The following PLIN1 variants were observed in gnomAD, a reference collection of about 807,000 sequenced individuals.
PLIN1 encodes the protein perilipin 1, also known as perilipin-1.
A neutral mutation model predicts 45.8 loss-of-function variants in PLIN1; 37 were observed. The ratio of observed to expected loss-of-function variants is 0.81; its 90% confidence interval spans 0.62 to 1.06. The LOEUF is 1.06. Ranked by LOEUF, PLIN1 falls within the 50% of genes least tolerant of loss-of-function variation. PLIN1 has a pLI of 0.00. For missense variants in PLIN1, 776 were observed against 716.5 expected (o/e 1.08, Z -0.95); for synonymous variants, 340 against 309.2 (o/e 1.10, Z -1.05).
In PLIN1 at chr15:89,665,839, G is replaced by T. The variant is rs1442434187; in HGVS notation, c.1313C>A (p.Ala438Glu). 1.4e-6 allele frequency: 2 copies of T among 1,445,714 alleles called. No homozygotes were observed. Among genetic ancestry groups the T allele is most frequent in the Non-Finnish European group, 9.1e-7 (1 of 1,099,290 alleles). 89.6% of individuals were successfully genotyped at this position (1,445,714 alleles called of 1,614,324 possible). A position where few individuals can be genotyped will look rare whatever the true frequency, so the allele number is the denominator to read the frequency against. ...RREAERRASG[A>E]PSAGPEPAPR... ...GGCGGGCTCCGGGCCGGCGGACGGC[G>T]CCCCAGACGCTCTGCGCTCCGCCTC... Residue 438 changes from alanine to glutamate, a missense_variant, in exon 9 of 9, where the codon GCG becomes GAG. Coordinates refer to ENST00000300055, the MANE Select transcript of PLIN1 (RefSeq NM_002666.5).
At chr15:89,667,355 T>C (rs2141526792) in intron 7 of PLIN1, among the ~76,000 whole-genome samples, 174 bp from the exon 8 acceptor site, 1 of 152,378 alleles carries the variant, frequency 6.6e-6, no homozygotes, top group South Asian at 2.1e-4. Context: ...TCTGAACCTC[T>C]GTTTCTTCTC....
chr15:89,669,641 C>T lies in PLIN1; in HGVS notation c.630G>A (p.Lys210=), dbSNP rs763503734. ...AGAGGCTTGGCTTGGCCTTGGGAGA[C>T]TTCTGGGCTTGCTGGTGTCCAGGAG... The part of the protein sequence containing the change: ...APAPGHQQAQ[K]SPKAKPSLLS... Residue 210 remains lysine, a synonymous_variant, in exon 6 of 9, where the codon AAG becomes AAA. Transcript: ENST00000300055. The T allele has an allele frequency of 1.2e-6, 2 of 1,614,008 alleles. No individual in the cohort carries two copies. The highest frequency in any genetic ancestry group is 1.7e-6 in the Non-Finnish European group (2 of 1,179,990).
intron 1 of PLIN1, chr15:89,677,810 G>A: frequency 3.2e-6 from 1 of 311,056 alleles, no homozygotes; most frequent in Non-Finnish European, 5.9e-6. Flanking sequence ...GAGTGTAGTT[G>A]CACAATCTCG....
chr15:89,665,040 C>A lies in PLIN1; in HGVS notation c.*543G>T. ...TTAAATAAACACCCAAGAGCTTTTG[C>A]ATCTGATTGTTCCCTTCAAAGTAGC... On this transcript the variant is annotated 3_prime_UTR_variant, in exon 9 of 9. Transcript: ENST00000300055. 2.4e-6 allele frequency: 1 copy of A among 421,010 alleles called. No homozygotes were observed. Among genetic ancestry groups the A allele is most frequent in the Non-Finnish European group, 4.8e-6 (1 of 209,940 alleles). 26.1% of individuals were successfully genotyped at this position (421,010 alleles called of 1,614,324 possible).
chr15:89,667,132 G>T lies in PLIN1; in HGVS notation c.1013C>A (p.Thr338Asn), dbSNP rs1015496903. 1.2e-6 allele frequency: 2 copies of T among 1,613,412 alleles called. No individual in the cohort carries two copies. Among genetic ancestry groups the T allele is most frequent in the South Asian group, 1.1e-5 (1 of 91,072 alleles). ...GGTGGTCTGGAGGGTCTTCTGCAGGGTATGTGCCACACCACCCAGGAGGCC... is the reference window on the plus strand; with the variant it reads ...GGTGGTCTGGAGGGTCTTCTGCAGGTTATGTGCCACACCACCCAGGAGGCC... ...PRGLLGGVAH[T>N]LQKTLQTTIS... The change falls in exon 8 of 9, where the codon ACC becomes AAC. Residue 338 changes from threonine to asparagine, a missense_variant. Coordinates refer to ENST00000300055, the MANE Select transcript of PLIN1 (RefSeq NM_002666.5).
intron 2 of PLIN1, chr15:89,677,023 C>A: frequency 4.0e-6 from 1 of 251,532 alleles, no homozygotes; most frequent in South Asian, 5.7e-5. Flanking sequence ...GCAGCACAGG[C>A]TGTGCACCGT....
chr15:89,664,535 T>C lies in PLIN1; in HGVS notation c.*1048A>G, dbSNP rs1768959632. 1 of 188,864 alleles carries C rather than the reference T, an allele frequency of 5.3e-6. No homozygotes were observed. The highest frequency in any genetic ancestry group is 1.1e-5 in the Non-Finnish European group (1 of 89,952). The allele number at this position is 188,864 out of a possible 1,614,324, so 11.7% of individuals were successfully genotyped here. ...CAAAAAGAGCGAGTGGGATTTATAATGTGATACAAAAATCTCTCCAAGCTG... is the reference window on the plus strand; with the variant it reads ...CAAAAAGAGCGAGTGGGATTTATAACGTGATACAAAAATCTCTCCAAGCTG... On this transcript the variant is annotated 3_prime_UTR_variant, in exon 9 of 9. Transcript: ENST00000300055.
chr15:89,667,570 G>C, intron 7 of PLIN1, 32 bp downstream of exon 7: 1 of 1,614,110 alleles, frequency 6.2e-7, no homozygotes, highest in Non-Finnish European at 8.5e-7. Context: ...CTGTGGGCTG[G>C]GGGACCTTGA....
chr15:89,669,881 C>T, intron 5 of PLIN1, 99 bp downstream of exon 5: 1 of 1,288,182 alleles, frequency 7.8e-7, no homozygotes, highest in Middle Eastern at 2.2e-4. Context: ...ACTGGCCTTC[C>T]CTATTCCAGA....
At chr15:89,666,913 A>G (rs1964350033) in intron 8 of PLIN1, 23 bp downstream of exon 8, 1 of 1,613,310 alleles carries the variant, frequency 6.2e-7, no homozygotes, top group Non-Finnish European at 8.5e-7. Flanking sequence ...GGACACTAAC[A>G]GTTTGCCAGG....
chr15:89,677,493 C>T lies in PLIN1; in HGVS notation c.-4G>A, dbSNP rs1474034608. On this transcript the variant is annotated 5_prime_UTR_variant, in exon 2 of 9. Transcript: ENST00000300055. Reference sequence around the variant, plus strand: ...TGAGGCCTTTGTTGACTGCCATCCTCGCTCCTCAAGCTGCAAAACAGAGTC... The same window carrying T: ...TGAGGCCTTTGTTGACTGCCATCCTTGCTCCTCAAGCTGCAAAACAGAGTC... 2.0e-5 allele frequency: 32 copies of T among 1,614,036 alleles called. No individual in the cohort carries two copies. The highest frequency in any genetic ancestry group is 2.5e-5 in the Non-Finnish European group (30 of 1,179,912).
intron 2 of PLIN1, among the ~76,000 whole-genome samples, chr15:89,673,995 GCT>G (rs1460505853): frequency 1.3e-5 from 2 of 152,020 alleles, no homozygotes; most frequent in Non-Finnish European, 2.9e-5. Context: ...TCCCTCCCTG[GCT>G]CTCTCCACAT....
chr15:89,677,254 T>TC, intron 2 of PLIN1, 191 bp downstream of exon 2: 1 of 640,792 alleles, frequency 1.6e-6, no homozygotes, highest in Non-Finnish European at 2.8e-6. Context: ...CATCTTTTTT[T>TC]CCCCTCCCAG....
chr15:89,669,951 C>T (rs1442181850), intron 5 of PLIN1, 29 bp downstream of exon 5: 1 of 1,598,468 alleles, frequency 6.3e-7, no homozygotes, highest in East Asian at 2.2e-5. Flanking sequence ...ACAACTCACT[C>T]CCAGGCCGAG....
At chr15:89,668,292 T>G (rs1964385861) in intron 6 of PLIN1, among the ~76,000 whole-genome samples, 1 of 152,244 alleles carries the variant, frequency 6.6e-6, no homozygotes, top group South Asian at 2.1e-4. Flanking sequence ...TATTCCATCA[T>G]ACGAATTTCC....
At chr15:89,669,695 A>G in intron 5 of PLIN1, 23 bp from the exon 6 acceptor site, 1 of 1,612,116 alleles carries the variant, frequency 6.2e-7, no homozygotes. Flanking sequence ...TTGGGGGGAA[A>G]GAAGAGAAAA....
At chr15:89,669,415 G>T in intron 6 of PLIN1, 85 bp downstream of exon 6, 1 of 1,108,624 alleles carries the variant, frequency 9.0e-7, no homozygotes, top group Non-Finnish European at 1.4e-6. Context: ...GACAGGAAGG[G>T]GTGATGGGTG....
In PLIN1 at chr15:89,665,566, G is replaced by C. The variant is rs760771574; in HGVS notation, c.*17C>G. 7 of 1,524,464 alleles carry C rather than the reference G, an allele frequency of 4.6e-6. No homozygotes were observed. In the South Asian group the frequency reaches 7.3e-5, roughly 16 times the overall value. The allele number at this position is 1,524,464 out of a possible 1,614,324, so 94.4% of individuals were successfully genotyped here. A position where few individuals can be genotyped will look rare whatever the true frequency, so the allele number is the denominator to read the frequency against. ...GAGAAACCCGCCGGCCCGGGGCGCGGCGGCTGGTGCGGCGACTCAGCTCTT... is the reference window on the plus strand; with the variant it reads ...GAGAAACCCGCCGGCCCGGGGCGCGCCGGCTGGTGCGGCGACTCAGCTCTT... On this transcript the variant is annotated 3_prime_UTR_variant, in exon 9 of 9. Transcript: ENST00000300055.
In PLIN1 at chr15:89,671,889, G is replaced by A. The variant is rs188334522; in HGVS notation, c.251-325C>T. On this transcript the variant is annotated intron_variant, in intron 3 of 8. Transcript: ENST00000300055. ...CTCTGCTTCCTACCTTGTAAAAGGT[G>A]AATTAATGGTGCCTGCCTGGCAGGA... is the stretch of plus-strand genomic sequence containing the variant. 7.8e-3 allele frequency among the ~76,000 whole-genome samples: 1,184 copies of A among 152,340 alleles called. 16 individuals carry two copies. The highest frequency in any genetic ancestry group is 0.027 in the African/African-American group (1,137 of 41,576).
Sources: allele counts gnomAD v4.1 joint callset (sites outside exome capture counted in the v4.1 genomes callset), GRCh38; gene constraint gnomAD v4.1.1; transcripts MANE v1.5; gene names NCBI Gene and HGNC (gene_info 2026-07-23, HGNC 2026-07-21).